The following NRBP1 variants were observed in gnomAD, a reference collection of about 807,000 sequenced individuals.
The protein encoded by NRBP1 is nuclear receptor-binding protein.
Under a neutral mutation model 76.0 loss-of-function variants are expected in NRBP1, and 10 were observed. The ratio of observed to expected loss-of-function variants is 0.13; its 90% CI spans 0.08 to 0.22. The LOEUF is 0.22. Among genes scored for constraint, NRBP1 ranks in the 10% least tolerant of loss-of-function variants. The probability of loss-of-function intolerance (pLI) is 1.00; values close to 1 mark genes in which losing one functional copy is unlikely to be tolerated. For missense variants in NRBP1, 344 were observed against 646.0 expected, an observed-to-expected ratio of 0.53 and a Z score of 5.07; for synonymous variants, 235 against 240.2, an observed-to-expected ratio of 0.98 and a Z score of 0.20.
chr2:27,439,657 G>A, intron 10 of NRBP1, 109 bp from the exon 11 acceptor site: 2 of 1,249,798 alleles, frequency 1.6e-6, no homozygotes, highest in Non-Finnish European at 2.2e-6. Context: ...AGCAAGTGCT[G>A]AGCACCTACT....
In NRBP1 at chr2:27,440,636, C is replaced by G; in HGVS notation, c.1143-16C>G. ...TTGTTTCTTTCCTTCCATCTCCTTT[C>G]TCTTTTCTCGTCCAGGTACTCTCAG... On this transcript the variant is annotated splice_polypyrimidine_tract_variant and intron_variant, in intron 12 of 17. Coordinates refer to ENST00000379852, the MANE Select transcript of NRBP1 (RefSeq NM_013392.4). 1 of 1,614,056 alleles carries G rather than the reference C, an allele frequency of 6.2e-7. No individual in the cohort carries two copies.
chr2:27,434,846 T>C, intron 6 of NRBP1, 84 bp downstream of exon 6: 1 of 1,363,766 alleles, frequency 7.3e-7, no homozygotes, highest in Non-Finnish European at 1.0e-6. Flanking sequence ...TCTTCTGTTC[T>C]ATTCTGCCTC....
chr2:27,441,776 T>G lies in NRBP1; in HGVS notation c.1572T>G (p.Ser524Arg). 6.2e-7 allele frequency: 1 copy of G among 1,613,744 alleles called. No individual in the cohort carries two copies. Among genetic ancestry groups the G allele is most frequent in the Non-Finnish European group, 8.5e-7 (1 of 1,179,652 alleles). The change falls in exon 18 of 18, where the codon AGT becomes AGG. Residue 524 changes from serine to arginine, a missense_variant. Ser to Arg is a moderately radical substitution (Grantham distance 110). Around this residue, in one of 3 missense-constraint regions of NRBP1, gnomAD observed 218 missense variants for 309.8 expected, o/e 0.70. Coordinates refer to ENST00000379852, the MANE Select transcript of NRBP1 (RefSeq NM_013392.4). The part of the protein sequence containing the change: ...TLNKFNFARN[S>R]TLNSAAVTVS... The stretch of plus-strand genomic sequence containing the variant: ...ACAAGTTCAATTTTGCCAGGAACAG[T>G]ACCCTCAACTCAGCCGCTGTCACCG...
At chr2:27,432,574 CT>C (rs368624636) in intron 1 of NRBP1, among the ~76,000 whole-genome samples, 2 of 151,042 alleles carry the variant, frequency 1.3e-5, no homozygotes, top group South Asian at 2.1e-4. Flanking sequence ...ATTATTAAAT[CT>C]TTTTTTTTGT....
At chr2:27,439,995 CTTTTTTTTTTTTTTTTTTTTT>C (rs70953859) in intron 11 of NRBP1, 97 bp downstream of exon 11, 229,643 of 459,806 alleles carry the variant, frequency 0.5, 34,034 homozygotes, top group Admixed American at 0.53. Context: ...CAAAGGGATT[CTTTTTTTTTTTTTTTTTTTTT>C]TTTTTTTTTT....
chr2:27,428,588 C>T (rs974432983), upstream of NRBP1: 12 of 397,674 alleles, frequency 3.0e-5, no homozygotes, highest in Non-Finnish European at 4.4e-5. Context: ...TGCGGCACCG[C>T]CCATCGTTGG....
Position 27,434,574 on chromosome 2 carries a change from G to A in NRBP1, c.525+14G>A. The A allele has an allele frequency of 6.2e-7, 1 of 1,600,938 alleles. No homozygotes were observed. Among genetic ancestry groups the A allele is most frequent in the Non-Finnish European group, 8.6e-7 (1 of 1,168,094 alleles). On this transcript the variant is annotated intron_variant, in intron 5 of 17. Transcript: ENST00000379852. ...ATGAATGAAAAGGTATAGAAGGAGA[G>A]CAGACAAAGTTTGAGGCTGGTTTTT...
chr2:27,437,258 G>A lies in NRBP1; in HGVS notation c.805-4G>A, dbSNP rs905029929. On this transcript the variant is annotated splice_polypyrimidine_tract_variant and splice_region_variant and intron_variant, in intron 9 of 17. Transcript: ENST00000379852. ...ACTTTTTTTTTTATTCTTCCTCACTGAAGATGGCAGTGCTGGAGATTCAGG... is the reference window on the plus strand; with the variant it reads ...ACTTTTTTTTTTATTCTTCCTCACTAAAGATGGCAGTGCTGGAGATTCAGG... 4 of 1,611,932 alleles carry A rather than the reference G, an allele frequency of 2.5e-6. No individual in the cohort carries two copies. Among genetic ancestry groups the A allele is most frequent in the Non-Finnish European group, 3.4e-6 (4 of 1,178,310 alleles).
intron 10 of NRBP1, among the ~76,000 whole-genome samples, chr2:27,438,957 T>C (rs901966947): frequency 2.0e-5 from 3 of 151,844 alleles, no homozygotes; most frequent in African/African-American, 7.3e-5. Context: ...AGACCCTGTC[T>C]CAGAAAAAAG....
intron 1 of NRBP1, among the ~76,000 whole-genome samples, chr2:27,430,474 T>C (rs1461725668): frequency 2.6e-5 from 3 of 115,076 alleles, no homozygotes; most frequent in Admixed American, 8.8e-5. Flanking sequence ...TTTTTCTTTT[T>C]TTTTTTTTTT....
rs567371271 is a variant in NRBP1 at position 27,428,729 on chromosome 2, G to A, written c.-23G>A. 7.8e-5 allele frequency: 31 copies of A among 398,310 alleles called. No individual in the cohort carries two copies. Among genetic ancestry groups the A allele is most frequent in the African/African-American group, 4.5e-4 (22 of 48,736 alleles). 24.7% of individuals were successfully genotyped at this position (398,310 alleles called of 1,614,324 possible). A position where few individuals can be genotyped will look rare whatever the true frequency, so the allele number is the denominator to read the frequency against. The stretch of plus-strand genomic sequence containing the variant: ...CGCAGGCTGCGGGGCGCGGAGTCGG[G>A]AGGTGAGCGCCCAGGGAAAAGAGGG... On this transcript the variant is annotated splice_region_variant and 5_prime_UTR_variant, in exon 1 of 18. Transcript: ENST00000379852.
intron 1 of NRBP1, 38 bp from the exon 2 acceptor site, chr2:27,433,216 T>C: frequency 7.0e-7 from 1 of 1,430,862 alleles, no homozygotes; most frequent in Non-Finnish European, 9.8e-7. Context: ...CCTGACTTTC[T>C]CTGCCTTTTC....
Position 27,441,721 on chromosome 2 carries a change from G to A in NRBP1, c.1517G>A (p.Arg506Gln), listed in dbSNP as rs141700147. ...CTTCTCCCCCAGGCTGACCAGAGCC[G>A]GTTGACTTCTCTGCTAGAAGAGACC... Reference protein sequence around the residue: ...LGFISEADQSRLTSLLEETLN... With the variant: ...LGFISEADQSQLTSLLEETLN... The change falls in exon 18 of 18, where the codon CGG (arginine) becomes CAG (glutamine). Residue 506 changes from arginine to glutamine, a missense_variant. By Grantham distance (43) the Arg-to-Gln change is conservative. Transcript: ENST00000379852. 1.1e-4 allele frequency: 179 copies of A among 1,613,786 alleles called. No individual in the cohort carries two copies. The African/African-American group carries it at 2.0e-3, about 18-fold the overall frequency.
intron 7 of NRBP1, 50 bp from the exon 8 acceptor site, chr2:27,436,703 C>G: frequency 6.6e-7 from 1 of 1,526,578 alleles, no homozygotes. Context: ...TGGAGTGAGA[C>G]TATTCTTCAT....
chr2:27,436,232 A>T (rs1214536683), intron 7 of NRBP1: 1 of 213,982 alleles, frequency 4.7e-6, no homozygotes, highest in African/African-American at 2.3e-5. Flanking sequence ...AAAGGTGGGT[A>T]AGAAGGAGGC....
At chr2:27,435,915 A>G in intron 7 of NRBP1, 1 of 644,792 alleles carries the variant, frequency 1.6e-6, no homozygotes, top group Admixed American at 2.4e-5. Flanking sequence ...TTGCCCCTTC[A>G]TAACCTGCTT....
chr2:27,433,198 A>C (rs1012752949), intron 1 of NRBP1, 56 bp from the exon 2 acceptor site: 1 of 1,273,430 alleles, frequency 7.9e-7, no homozygotes, highest in Non-Finnish European at 1.1e-6. Context: ...AAATCTTTAC[A>C]GATGTATCCT....
At chr2:27,439,518 A>G (rs1553318286) in intron 10 of NRBP1, among the ~76,000 whole-genome samples, 1 of 152,150 alleles carries the variant, frequency 6.6e-6, no homozygotes, top group Non-Finnish European at 1.5e-5. Flanking sequence ...TGAACATTAA[A>G]AAAGAAAGCT....
chr2:27,436,902 A>G lies in NRBP1; in HGVS notation c.745+66A>G, dbSNP rs1664328098. Reference sequence around the variant, plus strand: ...GCTTTTGCACCTTATAACTTGAGGTACAGAGGCAATATAACTGAAACTTCT... The same window carrying G: ...GCTTTTGCACCTTATAACTTGAGGTGCAGAGGCAATATAACTGAAACTTCT... On this transcript the variant is annotated intron_variant, in intron 8 of 17. Transcript: ENST00000379852. 1.1e-5 allele frequency: 16 copies of G among 1,488,264 alleles called. No individual in the cohort carries two copies. In the South Asian group the frequency reaches 1.8e-4, roughly 17 times the overall value. The allele number at this position is 1,488,264 out of a possible 1,614,324, so 92.2% of individuals were successfully genotyped here. A position where few individuals can be genotyped will look rare whatever the true frequency, so the allele number is the denominator to read the frequency against.
Sources: allele counts gnomAD v4.1 joint callset (sites outside exome capture counted in the v4.1 genomes callset), GRCh38; gene constraint gnomAD v4.1.1; regional missense constraint gnomAD v4.1.1; transcripts MANE v1.5; gene names NCBI Gene and HGNC (gene_info 2026-07-23, HGNC 2026-07-21).